Variants in VXN observed in about 807,000 individuals in gnomAD.
The protein encoded by VXN is vexin.
VXN carries 7 observed loss-of-function variants against 23.1 expected under a neutral mutation model. The observed-to-expected ratio is 0.30, with a 90% CI of 0.17 to 0.57. The LOEUF (loss-of-function observed/expected upper bound fraction) is 0.57, where lower values mean the gene tolerates loss of function less well. Among genes scored for constraint, VXN ranks in the 20% least tolerant of loss-of-function variants. The pLI is 0.91. For synonymous variants in VXN, 120 were observed against 105.8 expected (o/e 1.13, Z -0.83); for missense variants, 238 against 272.6 (o/e 0.87, Z 0.89).
chr8:66,509,241 T>C (rs746308108), intron 3 of VXN, among the ~76,000 whole-genome samples: 1 of 152,188 alleles, frequency 6.6e-6, no homozygotes, highest in Non-Finnish European at 1.5e-5. Flanking sequence ...ATGGGGCTTG[T>C]CCTGGGACAT....
chr8:66,496,605 T>C, intron 2 of VXN, 113 bp downstream of exon 2: 1 of 946,056 alleles, frequency 1.1e-6, no homozygotes, highest in Admixed American at 1.8e-5. Context: ...GGTTTCAGTG[T>C]TCCATGTGGT....
rs752583977 is a variant in VXN, at chr8:66,497,026, A to T, written c.126+534A>T. ...CAGCCTCCCAAGTAGCTGGGACTACAGGCGCACGCCAGCACGCCTGGCTAA... is the reference window on the plus strand; with the variant it reads ...CAGCCTCCCAAGTAGCTGGGACTACTGGCGCACGCCAGCACGCCTGGCTAA... On this transcript the variant is annotated intron_variant, in intron 2 of 5. Coordinates refer to ENST00000305454, the MANE Select transcript of VXN (RefSeq NM_152765.4). 3.9e-4 allele frequency among the ~76,000 whole-genome samples: 59 copies of T among 152,156 alleles called. 1 individual carries two copies. Among genetic ancestry groups the T allele is most frequent in the Non-Finnish European group, 5.1e-4 (35 of 68,030 alleles).
At chr8:66,505,575 G>C (rs1299607321) in intron 3 of VXN, 47 bp downstream of exon 3, 1 of 1,437,308 alleles carries the variant, frequency 7.0e-7, no homozygotes, top group Admixed American at 2.8e-5. Flanking sequence ...TGGGCGCAGA[G>C]ACCCACTCAG....
At chr8:66,499,193 A>G (rs1586516001) in intron 2 of VXN, among the ~76,000 whole-genome samples, 1 of 148,042 alleles carries the variant, frequency 6.8e-6, no homozygotes, top group Non-Finnish European at 1.5e-5. Context: ...AGCCTGACAC[A>G]TATAAGCATT....
chr8:66,514,576 C>T (rs542556828), intron 5 of VXN, among the ~76,000 whole-genome samples: 1 of 152,100 alleles, frequency 6.6e-6, no homozygotes, highest in Non-Finnish European at 1.5e-5. Context: ...GCTATAGGCG[C>T]CCGCCACCAC....
At chr8:66,515,160 T>G (rs1349029677) in intron 5 of VXN, among the ~76,000 whole-genome samples, 1 of 152,152 alleles carries the variant, frequency 6.6e-6, no homozygotes, top group Non-Finnish European at 1.5e-5. Context: ...CCAGCAAAAA[T>G]TTCACTGTGC....
At chr8:66,495,841 A>G (rs1807619469) in intron 1 of VXN, among the ~76,000 whole-genome samples, 1 of 152,230 alleles carries the variant, frequency 6.6e-6, no homozygotes, top group Non-Finnish European at 1.5e-5. Context: ...TTGTGCAACC[A>G]TCACCCCCAT....
Position 66,504,974 on chromosome 8 carries a change from A to T in VXN, c.127-401A>T, listed in dbSNP as rs531804415. On this transcript the variant is annotated intron_variant, in intron 2 of 5. Coordinates refer to ENST00000305454, the MANE Select transcript of VXN (RefSeq NM_152765.4). ...GGGCGTTGTCCACTCAGCTACAAAGACTGTAAGACCTCGATCTCCAGAACT... is the reference window on the plus strand; with the variant it reads ...GGGCGTTGTCCACTCAGCTACAAAGTCTGTAAGACCTCGATCTCCAGAACT... Among the ~76,000 whole-genome samples, 5 of 152,348 alleles carry T rather than the reference A, an allele frequency of 3.3e-5. No individual in the cohort carries two copies. The South Asian group carries it at 1.0e-3, about 32-fold the overall frequency.
intron 2 of VXN, among the ~76,000 whole-genome samples, chr8:66,497,454 C>T (rs550339822): frequency 4.5e-4 from 68 of 152,332 alleles, no homozygotes; most frequent in African/African-American, 1.3e-3. Context: ...TCACCAGCAT[C>T]GGCTTTCCTC....
chr8:66,505,595 A>T, intron 3 of VXN, 67 bp downstream of exon 3: 1 of 1,420,848 alleles, frequency 7.0e-7, no homozygotes, highest in Non-Finnish European at 9.2e-7. Context: ...GAGCCACCAC[A>T]AGCCCAGGTC....
intron 2 of VXN, among the ~76,000 whole-genome samples, chr8:66,499,854 C>A (rs1807671566): frequency 6.6e-6 from 1 of 151,826 alleles, no homozygotes; most frequent in Non-Finnish European, 1.5e-5. Flanking sequence ...TATAGCTCTA[C>A]CTTATTCTTC....
intron 5 of VXN, 187 bp downstream of exon 5, chr8:66,513,824 TC>T (rs1220376194): frequency 2.4e-5 from 13 of 550,108 alleles, no homozygotes; most frequent in Non-Finnish European, 3.8e-5. Context: ...ATCAACTGTT[TC>T]CCTAGGATTA....
chr8:66,507,663 C>T (rs547217343), intron 3 of VXN, among the ~76,000 whole-genome samples: 74 of 152,186 alleles, frequency 4.9e-4, no homozygotes, highest in Admixed American at 2.6e-3. Context: ...AGAATCTGCC[C>T]AGCACGTGAC....
chr8:66,496,462 C>T lies in VXN; in HGVS notation c.96C>T (p.Ala32=). The change falls in exon 2 of 6, where the codon GCC becomes GCT. Residue 32 remains alanine, a synonymous_variant. Coordinates refer to ENST00000305454, the MANE Select transcript of VXN (RefSeq NM_152765.4). ...SKVSSPARRR[A]KSSQHLLTKN... is the part of the protein sequence containing the mutation. ...TATCCAGTCCAGCCAGAAGAAGAGC[C>T]AAAAGCTCTCAGCACCTCTTGACCA... 1 of 1,614,158 alleles carries T rather than the reference C, an allele frequency of 6.2e-7. No individual in the cohort carries two copies. The highest frequency in any genetic ancestry group is 8.5e-7 in the Non-Finnish European group (1 of 1,180,000).
chr8:66,508,763 G>T (rs540007548), intron 3 of VXN, among the ~76,000 whole-genome samples: 13 of 152,306 alleles, frequency 8.5e-5, no homozygotes, highest in African/African-American at 2.9e-4. Flanking sequence ...TATCTCTAAA[G>T]CCTCGTTTCC....
chr8:66,499,514 G>A (rs181776899), intron 2 of VXN, among the ~76,000 whole-genome samples: 1 of 152,110 alleles, frequency 6.6e-6, no homozygotes, highest in Admixed American at 6.5e-5. Flanking sequence ...GGAATTTGCA[G>A]GTGTGAGCCA....
rs754066059 is a variant in VXN, at chr8:66,496,503, T to G, written c.126+11T>G. The G allele has an allele frequency of 1.2e-6, 2 of 1,613,432 alleles. No individual in the cohort carries two copies. The highest frequency in any genetic ancestry group is 1.7e-6 in the Non-Finnish European group (2 of 1,179,352). ...CTCTTGACCAAGAATGTAAGGAAAC[T>G]TTAGTTTTGATGTTCTTTGGTTGAC... On this transcript the variant is annotated intron_variant, in intron 2 of 5. Transcript: ENST00000305454.
intron 2 of VXN, among the ~76,000 whole-genome samples, chr8:66,497,090 G>C (rs1194294115): frequency 1.3e-5 from 2 of 152,078 alleles, no homozygotes; most frequent in African/African-American, 2.4e-5. Context: ...TCACCATGTT[G>C]GCCAGGATGG....
chr8:66,497,599 T>A (rs1327578735), intron 2 of VXN, among the ~76,000 whole-genome samples: 2 of 152,230 alleles, frequency 1.3e-5, no homozygotes, highest in Non-Finnish European at 2.9e-5. Flanking sequence ...TGGCAGTACA[T>A]CTTTGCGCTT....
Sources: allele counts gnomAD v4.1 joint callset (sites outside exome capture counted in the v4.1 genomes callset), GRCh38; gene constraint gnomAD v4.1.1; transcripts MANE v1.5; gene names NCBI Gene and HGNC (gene_info 2026-07-23, HGNC 2026-07-21).